The following NWD1 variants were observed in gnomAD, a reference collection of about 807,000 sequenced individuals.
NWD1 encodes NACHT and WD repeat domain containing 1.
Under a neutral mutation model 135.1 loss-of-function variants are expected in NWD1, and 129 were observed. That is an observed-to-expected ratio of 0.96 (90% CI 0.83 to 1.11). The LOEUF is 1.11. Ranked by LOEUF, NWD1 falls within the 50% of genes least tolerant of loss-of-function variation. The pLI, the probability that NWD1 is intolerant of heterozygous loss-of-function variation, is 0.00. For synonymous variants in NWD1, 773 were observed against 786.0 expected (o/e 0.98, Z 0.28); for missense variants, 1,740 against 1,851.3 (o/e 0.94, Z 1.10).
intron 3 of NWD1, among the ~76,000 whole-genome samples, chr19:16,733,249 A>T (rs1302652252): frequency 2.6e-5 from 4 of 151,636 alleles, no homozygotes; most frequent in African/African-American, 9.7e-5. Context: ...GGCCGGGCGA[A>T]GTGGCTCATG....
intron 6 of NWD1, among the ~76,000 whole-genome samples, chr19:16,757,841 C>G (rs151069347): frequency 2.0e-5 from 3 of 152,278 alleles, no homozygotes; most frequent in Non-Finnish European, 4.4e-5. Flanking sequence ...CACCTGAGAT[C>G]AGGAGTTGAA....
At chr19:16,723,943 G>C (rs36081090) in intron 1 of NWD1, among the ~76,000 whole-genome samples, 1 of 151,484 alleles carries the variant, frequency 6.6e-6, no homozygotes, top group Non-Finnish European at 1.5e-5. Flanking sequence ...TGATCGGCCC[G>C]CCTTGGCCTC....
intron 10 of NWD1, among the ~76,000 whole-genome samples, chr19:16,767,982 CTTTTTTTT>C (rs963453075): frequency 1.2e-4 from 10 of 83,566 alleles, no homozygotes; most frequent in South Asian, 4.9e-4. Flanking sequence ...AATTTCCTTC[CTTTTTTTT>C]TTTTTTTTTT....
Position 16,736,645 on chromosome 19 carries a change from G to A in NWD1, c.93G>A (p.Leu31=), listed in dbSNP as rs1162913939. 6.5e-7 allele frequency: 1 copy of A among 1,533,300 alleles called. No homozygotes were observed. The highest frequency in any genetic ancestry group is 1.4e-5 in the African/African-American group (1 of 72,972). The allele number at this position is 1,533,300 out of a possible 1,614,324, so 95.0% of individuals were successfully genotyped here. Residue 31 remains leucine, a synonymous_variant, in exon 4 of 19, where the codon CTG becomes CTA. Coordinates refer to ENST00000524140, the MANE Select transcript of NWD1 (RefSeq NM_001007525.5). ...TTTCTATTTCCCAGGTCGTTGATCT[G>A]AGGTGGGGTATTCGGAACATTGAAG... ...RHGLMFEVVD[L]RWGIRNIEAT... is the part of the protein sequence containing the mutation.
intron 3 of NWD1, among the ~76,000 whole-genome samples, chr19:16,732,797 G>T (rs915688536): frequency 5.3e-5 from 8 of 151,974 alleles, no homozygotes; most frequent in Non-Finnish European, 8.8e-5. Context: ...GCTATCCCTG[G>T]CTAACCGGGG....
intron 15 of NWD1, among the ~76,000 whole-genome samples, chr19:16,796,744 C>G (rs750470383): frequency 3.3e-5 from 5 of 152,124 alleles, no homozygotes; most frequent in Non-Finnish European, 5.9e-5. Flanking sequence ...TTCCTCCCTT[C>G]CTTCCATCAT....
chr19:16,733,998 G>A (rs572618132), intron 3 of NWD1, among the ~76,000 whole-genome samples: 15 of 152,186 alleles, frequency 9.9e-5, no homozygotes, highest in East Asian at 9.6e-4. Context: ...GGACTGTTCC[G>A]AGTTGTCTTT....
intron 10 of NWD1, among the ~76,000 whole-genome samples, chr19:16,768,891 T>C (rs1224862252): frequency 6.6e-6 from 1 of 152,222 alleles, no homozygotes; most frequent in Non-Finnish European, 1.5e-5. Flanking sequence ...CAAACCATCC[T>C]TGAACTATCT....
At position 16,789,016 on chromosome 19, in the gene NWD1, G is replaced by A; in HGVS notation, c.2766G>A (p.Gly922=). 4.3e-6 allele frequency: 7 copies of A among 1,612,332 alleles called. No homozygotes were observed. The highest frequency in any genetic ancestry group is 1.1e-5 in the South Asian group (1 of 91,000). ...GGTGTGTGAAAATATTTGCCAAAGG[G>A]ACCCTCGCCAACTCTGCTTCAAAGG... The part of the protein sequence containing the change: ...EVRCVKIFAK[G]TLANSASKDY... The change falls in exon 13 of 19, where the codon GGG becomes GGA. Residue 922 remains glycine, a synonymous_variant. Coordinates refer to ENST00000524140, the MANE Select transcript of NWD1 (RefSeq NM_001007525.5).
intron 4 of NWD1, among the ~76,000 whole-genome samples, chr19:16,740,017 C>A (rs1968013897): frequency 6.6e-6 from 1 of 152,036 alleles, no homozygotes; most frequent in Non-Finnish European, 1.5e-5. Context: ...AGAGATGAGG[C>A]TGGCCACCTT....
At chr19:16,757,614 G>A (rs1034157258) in intron 6 of NWD1, among the ~76,000 whole-genome samples, 2 of 152,132 alleles carry the variant, frequency 1.3e-5, no homozygotes, top group South Asian at 2.1e-4. Flanking sequence ...CAGGCTAGGC[G>A]GGTCCTCTGG....
At chr19:16,747,351 T>TTATG (rs1968366533) in intron 5 of NWD1, among the ~76,000 whole-genome samples, 1 of 100,350 alleles carries the variant, frequency 1.0e-5, no homozygotes, top group Non-Finnish European at 1.8e-5. Flanking sequence ...TTCTTTTTAT[T>TTATG]TATTTATTTA....
At chr19:16,812,886 C>T (rs556012275) in intron 18 of NWD1, 156 of 780,378 alleles carry the variant, frequency 2.0e-4, no homozygotes, top group Admixed American at 2.5e-4. Flanking sequence ...GATTGAGCTT[C>T]GATCTGGAGA....
rs368043372 is a variant in NWD1, at chr19:16,728,258, G to A, written c.-6-2934G>A. On this transcript the variant is annotated intron_variant, in intron 2 of 18. Transcript: ENST00000524140. ...TTTGTTTTGGAGAACAGAGTATTAT[G>A]GAACATTTGCTGGGTCACTGCTCTT... Among the ~76,000 whole-genome samples the A allele has an allele frequency of 1.5e-4, 22 of 150,406 alleles. No homozygotes were observed. In the East Asian group the frequency reaches 4.1e-3, roughly 28 times the overall value.
intron 6 of NWD1, among the ~76,000 whole-genome samples, chr19:16,753,470 A>G (rs542519847): frequency 1.3e-5 from 2 of 152,264 alleles, no homozygotes; most frequent in East Asian, 3.9e-4. Context: ...CATCAGATCC[A>G]TGTGGCAGGA....
At chr19:16,746,956 T>C (rs1968346266) in intron 5 of NWD1, among the ~76,000 whole-genome samples, 2 of 152,148 alleles carry the variant, frequency 1.3e-5, no homozygotes, top group Admixed American at 6.6e-5. Flanking sequence ...ACCTGTGTAG[T>C]TCAAGCCCAT....
intron 2 of NWD1, among the ~76,000 whole-genome samples, chr19:16,726,636 C>CATAGAGACA (rs1967340863): frequency 6.6e-6 from 1 of 151,986 alleles, no homozygotes; most frequent in Non-Finnish European, 1.5e-5. Context: ...GACAGGGTTT[C>CATAGAGACA]ACCATGTTGG....
rs1970153870 is a variant in NWD1, at chr19:16,789,064, C to T, written c.2814C>T (p.Asn938=). The change falls in exon 13 of 19, where the codon AAC becomes AAT. Residue 938 remains asparagine (N), a synonymous_variant. Coordinates refer to ENST00000524140, the MANE Select transcript of NWD1 (RefSeq NM_001007525.5). ...ASKDYTLHLW[N]LLSGQEKFTI... is the part of the protein sequence containing the mutation. ...AGGATTACACGCTGCACTTGTGGAA[C>T]TTACTCTCTGGCCAGGAGAAATTTA... 2 of 1,613,540 alleles carry T rather than the reference C, an allele frequency of 1.2e-6. No homozygotes were observed. Among genetic ancestry groups the T allele is most frequent in the South Asian group, 1.1e-5 (1 of 91,062 alleles).
rs1002856737 is a variant in NWD1 at position 16,765,245 on chromosome 19, A to T, written c.2410+53A>T. 8 of 1,527,336 alleles carry T rather than the reference A, an allele frequency of 5.2e-6. No homozygotes were observed. In the African/African-American group the frequency reaches 9.5e-5, roughly 18 times the overall value. The allele number at this position is 1,527,336 out of a possible 1,614,324, so 94.6% of individuals were successfully genotyped here. A position where few individuals can be genotyped will look rare whatever the true frequency, so the allele number is the denominator to read the frequency against. On this transcript the variant is annotated intron_variant, in intron 10 of 18. Coordinates refer to ENST00000524140, the MANE Select transcript of NWD1 (RefSeq NM_001007525.5). ...GACCAGGACGGGCACTGACTTCTAGAAACATGCTCTCCTCATTGAGTCATG... is the reference window on the plus strand; with the variant it reads ...GACCAGGACGGGCACTGACTTCTAGTAACATGCTCTCCTCATTGAGTCATG...
Sources: gnomAD v4.1 joint callset for allele counts (sites outside exome capture counted in the v4.1 genomes callset) on GRCh38, gnomAD v4.1.1 for gene constraint, MANE v1.5 for transcripts, NCBI Gene and HGNC (gene_info 2026-07-23, HGNC 2026-07-21) for gene names.